The following TRMT2B variants were observed in gnomAD, a reference collection of about 807,000 sequenced individuals.
TRMT2B encodes the protein tRNA (uracil-5-)-methyltransferase homolog B.
TRMT2B carries 34 observed loss-of-function variants against 39.7 expected under a neutral mutation model. The observed-to-expected ratio is 0.86, with a 90% CI of 0.65 to 1.14. The LOEUF (loss-of-function observed/expected upper bound fraction) is 1.14. Among genes scored for constraint, TRMT2B ranks in the 50% most tolerant of loss-of-function variants. TRMT2B has a pLI of 0.00. For missense variants in TRMT2B, 318 were observed against 377.2 expected, an observed-to-expected ratio of 0.84 and a Z score of 1.30; for synonymous variants, 132 against 137.3, an observed-to-expected ratio of 0.96 and a Z score of 0.27.
intron 13 of TRMT2B, among the ~76,000 whole-genome samples, chrX:101,016,642 G>GTTTTTTT (rs397827366): frequency 3.5e-5 from 2 of 57,618 alleles, no homozygotes; most frequent in African/African-American, 1.5e-4. Flanking sequence ...AATTTTCGTG[G>GTTTTTTT]TTTTTTTTTT....
chrX:101,011,232 C>A (rs1244249183), intron 13 of TRMT2B, among the ~76,000 whole-genome samples: 1 of 111,496 alleles, frequency 9.0e-6, no homozygotes, highest in African/African-American at 3.3e-5. Flanking sequence ...GATGACAGAG[C>A]CTACTACACA....
chrX:100,991,439 C>T, the TRMT2B span, among the ~76,000 whole-genome samples: 6 of 110,880 alleles, frequency 5.4e-5, no homozygotes, highest in African/African-American at 1.3e-4. Flanking sequence ...AGTGCAGCGG[C>T]GTGATCTCGA....
chrX:101,022,772 G>C (rs1345323118), intron 8 of TRMT2B, among the ~76,000 whole-genome samples: 1 of 111,295 alleles, frequency 9.0e-6, no homozygotes, highest in Non-Finnish European at 1.9e-5. Context: ...ACTCCAATCT[G>C]GGCAACAGAG....
chrX:101,048,113 T>TACACACACACATACACAC lies in TRMT2B; in HGVS notation c.-24+3137_-24+3138insGTGTGTATGTGTGTGTGT, dbSNP rs2088807551. 4.4e-5 allele frequency among the ~76,000 whole-genome samples: 4 copies of TACACACACACATACACAC among 90,399 alleles called. No individual in the cohort carries two copies. In the Admixed American group the frequency reaches 5.3e-4, roughly 12 times the overall value. The allele number at this position is 90,399 out of a possible 115,157, so 78.5% of individuals were successfully genotyped here. ...ATTCAGAATTTTACATTTATACACATACACACACACACACACACACACACA... is the reference window on the plus strand; with the variant it reads ...ATTCAGAATTTTACATTTATACACATACACACACACATACACACACACACACACACACACACACACACA... On this transcript the variant is annotated intron_variant, in intron 2 of 13. Coordinates refer to ENST00000372936, the MANE Select transcript of TRMT2B (RefSeq NM_024917.6).
chrX:100,991,036 G>A, the TRMT2B span, among the ~76,000 whole-genome samples: 1 of 111,931 alleles, frequency 8.9e-6, no homozygotes, highest in Non-Finnish European at 1.9e-5. Context: ...GGTGGCAGTG[G>A]TAGTGGTAGT....
At position 101,010,654 on chromosome X, in the gene TRMT2B, A is replaced by C. The variant is rs2086208185; in HGVS notation, c.1442T>G (p.Leu481Arg). ...CAAATCCACAGGTACAGCTTGCTGC[A>C]GGACAAAGGGCTCGCCTAAGAGCTT... is the stretch of plus-strand genomic sequence containing the variant. ...AKKLLGEPFV[L>R]QQAVPVDLFP... is the part of the protein sequence containing the mutation. Residue 481 changes from leucine to arginine, a missense_variant, in exon 14 of 14, where the codon CTG becomes CGG. By Grantham distance (102) the Leu-to-Arg change is moderately radical (BLOSUM62 -2). Coordinates refer to ENST00000372936, the MANE Select transcript of TRMT2B (RefSeq NM_024917.6). The C allele has an allele frequency of 8.3e-7, 1 of 1,209,167 alleles. No individual in the cohort carries two copies. The highest frequency in any genetic ancestry group is 1.8e-5 in the African/African-American group (1 of 57,049).
At chrX:100,983,852 C>T in the TRMT2B span, among the ~76,000 whole-genome samples, 7 of 111,081 alleles carry the variant, frequency 6.3e-5, no homozygotes, top group South Asian at 1.1e-3. Context: ...ACTCTCATTT[C>T]CAAAGACCCA....
the TRMT2B span, among the ~76,000 whole-genome samples, chrX:100,991,656 G>A: frequency 8.9e-6 from 1 of 112,098 alleles, no homozygotes; most frequent in Non-Finnish European, 1.9e-5. Context: ...TTACAGGCAT[G>A]AGCCACCGCG....
chrX:101,018,916 C>T, intron 13 of TRMT2B, 55 bp downstream of exon 13: 1 of 776,928 alleles, frequency 1.3e-6, no homozygotes, highest in Non-Finnish European at 2.0e-6. Flanking sequence ...GTACAATAAG[C>T]ATGAATGGCT....
chrX:100,999,570 A>G, the TRMT2B span, among the ~76,000 whole-genome samples: 1 of 112,200 alleles, frequency 8.9e-6, no homozygotes, highest in Non-Finnish European at 1.9e-5. Context: ...TGTACTTCTC[A>G]ATGCTGGCTG....
chrX:101,006,831 C>T (rs1007272155), downstream of TRMT2B, among the ~76,000 whole-genome samples: 2 of 110,330 alleles, frequency 1.8e-5, no homozygotes, highest in Non-Finnish European at 3.8e-5. Context: ...TCACTAAAGA[C>T]TCAGATGATT....
At chrX:101,012,265 C>A (rs2086285399) in intron 13 of TRMT2B, among the ~76,000 whole-genome samples, 1 of 110,334 alleles carries the variant, frequency 9.1e-6, no homozygotes, top group Admixed American at 9.7e-5. Context: ...TGAAATGTTA[C>A]AACAGCTATG....
At chrX:101,006,822 C>T (rs1255710011), downstream of TRMT2B, among the ~76,000 whole-genome samples, 1 of 109,964 alleles carries the variant, frequency 9.1e-6, no homozygotes, top group Admixed American at 9.8e-5. Flanking sequence ...AATTATGACT[C>T]ACTAAAGACT....
At chrX:101,049,417 C>T (rs2088899814) in intron 2 of TRMT2B, among the ~76,000 whole-genome samples, 1 of 100,318 alleles carries the variant, frequency 1.0e-5, no homozygotes, top group African/African-American at 3.8e-5. Flanking sequence ...ATCACAAGTC[C>T]AGCAGTTGAA....
intron 7 of TRMT2B, among the ~76,000 whole-genome samples, chrX:101,030,221 C>T (rs1937653380): frequency 9.0e-6 from 1 of 111,136 alleles, no homozygotes; most frequent in Admixed American, 9.7e-5. Flanking sequence ...GATCACACCA[C>T]TACACTCCAT....
chrX:100,996,176 G>C, the TRMT2B span, among the ~76,000 whole-genome samples: 2 of 111,743 alleles, frequency 1.8e-5, no homozygotes, highest in Admixed American at 9.5e-5. Context: ...GGCACACAAA[G>C]ACAAATATCG....
intron 7 of TRMT2B, among the ~76,000 whole-genome samples, chrX:101,027,076 T>G: frequency 9.0e-6 from 1 of 111,186 alleles, no homozygotes; most frequent in Admixed American, 9.7e-5. Context: ...ACAGTACACA[T>G]TAAGGTCACC....
chrX:101,035,527 G>T, intron 7 of TRMT2B, 86 bp downstream of exon 7: 3 of 805,601 alleles, frequency 3.7e-6, no homozygotes, highest in Non-Finnish European at 5.7e-6. Context: ...CACTAGAATT[G>T]GCTCTATTAT....
chrX:100,974,244 C>T, the TRMT2B span: 1 of 971,228 alleles, frequency 1.0e-6, no homozygotes, highest in South Asian at 2.1e-5. Flanking sequence ...TCCCATGGAC[C>T]CCAGAATCCA....
Sources: allele counts gnomAD v4.1 joint callset (sites outside exome capture counted in the v4.1 genomes callset), GRCh38; gene constraint gnomAD v4.1.1; transcripts MANE v1.5; gene names NCBI Gene and HGNC (gene_info 2026-07-23, HGNC 2026-07-21).